The following EXT1 variants were observed in gnomAD, a reference collection of about 807,000 sequenced individuals.
EXT1 encodes exostosin-1.
A neutral mutation model predicts 82.5 loss-of-function variants in EXT1; 20 were observed. The ratio of observed to expected loss-of-function variants is 0.24; its 90% CI spans 0.17 to 0.35. The LOEUF is 0.35. Among genes scored for constraint, EXT1 ranks in the 10% least tolerant of loss-of-function variants. The probability of loss-of-function intolerance (pLI) is 1.00; values close to 1 mark genes in which losing one functional copy is unlikely to be tolerated. For missense variants in EXT1, 757 were observed against 936.5 expected (o/e 0.81, Z 2.50); for synonymous variants, 348 against 350.8 (o/e 0.99, Z 0.09).
chr8:117,928,945 C>T (rs1484479620), intron 1 of EXT1, among the ~76,000 whole-genome samples: 3 of 152,120 alleles, frequency 2.0e-5, no homozygotes, highest in African/African-American at 7.2e-5. Flanking sequence ...CAAAAGCCCA[C>T]GGCCAAATAG....
chr8:117,799,819 A>G lies in EXT1; in HGVS notation c.2134T>C (p.Phe712Leu), dbSNP rs575830428. 2 of 1,614,178 alleles carry G rather than the reference A, an allele frequency of 1.2e-6. No individual in the cohort carries two copies. Among genetic ancestry groups the G allele is most frequent in the South Asian group, 1.1e-5 (1 of 91,072 alleles). Reference sequence around the variant, plus strand: ...GAGTGGATCAGCGGCATGTAGCCAAACCAGCTGGCAAACGTATTCATGCAG... The same window carrying G: ...GAGTGGATCAGCGGCATGTAGCCAAGCCAGCTGGCAAACGTATTCATGCAG... ...QSCMNTFASWFGYMPLIHSQM... is the reference protein window; with the variant it reads ...QSCMNTFASWLGYMPLIHSQM... The change falls in exon 11 of 11, where the codon TTT becomes CTT. Residue 712 changes from phenylalanine (F) to leucine (L), a missense_variant. Phe to Leu is a conservative substitution (Grantham distance 22). Coordinates refer to ENST00000378204, the MANE Select transcript of EXT1 (RefSeq NM_000127.3).
At chr8:118,004,541 A>G (rs1406934264) in intron 1 of EXT1, among the ~76,000 whole-genome samples, 1 of 152,208 alleles carries the variant, frequency 6.6e-6, no homozygotes, top group Non-Finnish European at 1.5e-5. Flanking sequence ...GGAGGAAACC[A>G]AAGAGGGAGC....
rs58862041 is a variant in EXT1, at chr8:118,037,836, G to GTTTT, written c.962+72245_962+72248dup. On this transcript the variant is annotated intron_variant, in intron 1 of 10. Coordinates refer to ENST00000378204, the MANE Select transcript of EXT1 (RefSeq NM_000127.3). ...CTTTGTATCAACAAGAGTGTTTTTT[G>GTTTT]TTTTTTTTTTTTTTTTTTTTTGAGA... 7.3e-4 allele frequency among the ~76,000 whole-genome samples: 78 copies of GTTTT among 107,398 alleles called. 2 individuals carry two copies. The highest frequency in any genetic ancestry group is 2.3e-3 in the African/African-American group (54 of 23,744). 70.5% of individuals were successfully genotyped at this position (107,398 alleles called of 152,430 possible).
At chr8:118,061,379 TTGTA>T (rs1816877710) in intron 1 of EXT1, among the ~76,000 whole-genome samples, 1 of 152,062 alleles carries the variant, frequency 6.6e-6, no homozygotes, top group African/African-American at 2.4e-5. Context: ...AGTTGAGAGG[TTGTA>T]TGTGTTATGA....
At chr8:117,940,318 G>C (rs981766411) in intron 1 of EXT1, among the ~76,000 whole-genome samples, 3 of 152,314 alleles carry the variant, frequency 2.0e-5, no homozygotes, top group Admixed American at 2.0e-4. Context: ...AGAAAATGCT[G>C]GCACAGGGAA....
Position 117,797,901 on chromosome 8 carries a change from T to C in EXT1, c.*1811A>G, listed in dbSNP as rs1823107498. 1 of 151,974 alleles carries C rather than the reference T, an allele frequency of 6.6e-6. No homozygotes were observed. The allele number at this position is 151,974 out of a possible 1,614,324, so 9.4% of individuals were successfully genotyped here. A position where few individuals can be genotyped will look rare whatever the true frequency, so the allele number is the denominator to read the frequency against. ...CTGAGTCATGAGGCTGAGGAGAAAA[T>C]CCTCTCTTTAATTGAATTTCACTGT... On this transcript the variant is annotated 3_prime_UTR_variant, in exon 11 of 11. Coordinates refer to ENST00000378204, the MANE Select transcript of EXT1 (RefSeq NM_000127.3).
chr8:118,069,022 C>A (rs561319505), intron 1 of EXT1, among the ~76,000 whole-genome samples: 2 of 152,166 alleles, frequency 1.3e-5, no homozygotes, highest in African/African-American at 2.4e-5. Context: ...ACCTACACCC[C>A]CTTCTAGCAT....
chr8:117,807,413 A>G (rs1168170001), intron 8 of EXT1, 36 bp from the exon 9 acceptor site: 1 of 1,613,388 alleles, frequency 6.2e-7, no homozygotes, highest in East Asian at 2.2e-5. Context: ...AGCAATCAAC[A>G]GTGTTAACAA....
At chr8:117,844,088 T>C (rs17430294) in intron 1 of EXT1, among the ~76,000 whole-genome samples, 13,695 of 151,880 alleles carry the variant, frequency 0.09, 791 homozygotes, top group African/African-American at 0.17. Context: ...CATGTTGCCT[T>C]AGACCCTTCC....
chr8:117,898,246 G>A (rs1252477649), intron 1 of EXT1, among the ~76,000 whole-genome samples: 3 of 152,080 alleles, frequency 2.0e-5, no homozygotes, highest in Non-Finnish European at 4.4e-5. Context: ...CCCATACTGG[G>A]GTCTCCACCC....
intron 1 of EXT1, among the ~76,000 whole-genome samples, chr8:117,901,722 G>T (rs1057099975): frequency 6.6e-6 from 1 of 151,856 alleles, no homozygotes; most frequent in African/African-American, 2.4e-5. Context: ...TTTGAGACAG[G>T]ATGTCACTCT....
intron 1 of EXT1, among the ~76,000 whole-genome samples, chr8:117,922,515 A>G (rs1214163085): frequency 6.6e-6 from 1 of 152,200 alleles, no homozygotes; most frequent in Non-Finnish European, 1.5e-5. Context: ...TATGACAGTC[A>G]TCTGTCACAG....
At chr8:118,025,477 T>C (rs1283696809) in intron 1 of EXT1, among the ~76,000 whole-genome samples, 1 of 152,212 alleles carries the variant, frequency 6.6e-6, no homozygotes, top group East Asian at 1.9e-4. Context: ...CCACCGGATA[T>C]ACCTTGAAAG....
chr8:117,969,083 GA>G (rs1814887387), intron 1 of EXT1, among the ~76,000 whole-genome samples: 2 of 151,922 alleles, frequency 1.3e-5, no homozygotes, highest in Admixed American at 1.3e-4. Flanking sequence ...AATAATTAGG[GA>G]AAAAAACAAA....
At chr8:118,043,129 C>A (rs1430951510) in intron 1 of EXT1, among the ~76,000 whole-genome samples, 5 of 152,160 alleles carry the variant, frequency 3.3e-5, no homozygotes, top group African/African-American at 1.2e-4. Flanking sequence ...AACAAGAATT[C>A]CAGGCACACA....
At chr8:117,944,620 T>G (rs572189795) in intron 1 of EXT1, among the ~76,000 whole-genome samples, 1 of 152,286 alleles carries the variant, frequency 6.6e-6, no homozygotes, top group Non-Finnish European at 1.5e-5. Flanking sequence ...GCATGACACA[T>G]ACACAATAGG....
intron 1 of EXT1, among the ~76,000 whole-genome samples, chr8:117,864,539 G>A (rs1352649198): frequency 6.6e-6 from 1 of 152,148 alleles, no homozygotes; most frequent in Non-Finnish European, 1.5e-5. Context: ...CACGAGGTCA[G>A]GAGATCGAGA....
intron 1 of EXT1, among the ~76,000 whole-genome samples, chr8:117,950,015 A>T (rs899682897): frequency 6.6e-5 from 10 of 152,132 alleles, no homozygotes; most frequent in African/African-American, 2.4e-4. Flanking sequence ...GCTTGAGGTC[A>T]GGAGTCTGAG....
intron 3 of EXT1, among the ~76,000 whole-genome samples, chr8:117,834,022 T>C (rs1169066616): frequency 6.6e-6 from 1 of 152,182 alleles, no homozygotes; most frequent in African/African-American, 2.4e-5. Context: ...TCCAGACCCC[T>C]TTCTCAATGA....
Sources: gnomAD v4.1 joint callset for allele counts (sites outside exome capture counted in the v4.1 genomes callset) on GRCh38, gnomAD v4.1.1 for gene constraint, MANE v1.5 for transcripts, NCBI Gene and HGNC (gene_info 2026-07-23, HGNC 2026-07-21) for gene names.